Variants in CCDC3 observed in about 807,000 individuals in gnomAD.
CCDC3 encodes coiled-coil domain-containing protein 3.
CCDC3 carries 24 observed loss-of-function variants against 21.4 expected under a neutral mutation model. That is an observed-to-expected ratio of 1.12 (90% CI 0.81 to 1.58). The LOEUF (loss-of-function observed/expected upper bound fraction) is 1.58. Ranked by LOEUF, CCDC3 falls within the 40% of genes most tolerant of loss-of-function variation. The pLI is 0.00. For synonymous variants in CCDC3, 186 were observed against 166.0 expected (o/e 1.12, Z -0.93); for missense variants, 425 against 360.9 (o/e 1.18, Z -1.44).
chr10:12,910,664 T>C (rs1834258825), intron 2 of CCDC3, among the ~76,000 whole-genome samples: 1 of 148,690 alleles, frequency 6.7e-6, no homozygotes. Flanking sequence ...GGCTAGAATA[T>C]AGTGGCGTGA....
chr10:13,058,521 T>A, intron 4 of CCDC3: 1 of 739,122 alleles, frequency 1.4e-6, no homozygotes, highest in Admixed American at 1.7e-5. Flanking sequence ...TTACACAAAC[T>A]ATCATCCTGT....
At chr10:12,969,744 A>T (rs973110520) in intron 2 of CCDC3, among the ~76,000 whole-genome samples, 17 of 149,872 alleles carry the variant, frequency 1.1e-4, no homozygotes, top group Admixed American at 2.7e-4. Flanking sequence ...TAATATTTTT[A>T]AAAAATATTT....
intron 2 of CCDC3, among the ~76,000 whole-genome samples, chr10:12,952,978 A>G (rs1835029339): frequency 6.6e-6 from 1 of 152,186 alleles, no homozygotes; most frequent in African/African-American, 2.4e-5. Context: ...TTCAAAGAAT[A>G]TCAAAGGAAG....
chr10:12,912,871 C>T (rs923854646), intron 2 of CCDC3, among the ~76,000 whole-genome samples: 4 of 152,212 alleles, frequency 2.6e-5, no homozygotes, highest in Admixed American at 2.0e-4. Context: ...AGACTGTCCT[C>T]TCCCCGTTGC....
intron 2 of CCDC3, among the ~76,000 whole-genome samples, chr10:12,981,081 C>G (rs1835490015): frequency 6.6e-6 from 1 of 151,754 alleles, no homozygotes; most frequent in Non-Finnish European, 1.5e-5. Flanking sequence ...CTATGTTGCC[C>G]AGGCTGGTCT....
intron 3 of CCDC3, among the ~76,000 whole-genome samples, chr10:13,077,953 G>C (rs1050258944): frequency 1.5e-4 from 23 of 152,144 alleles, no homozygotes; most frequent in Admixed American, 1.2e-3. Context: ...GCATGGGCAA[G>C]GACTTCATGA....
At chr10:12,927,710 G>T (rs7076636) in intron 2 of CCDC3, among the ~76,000 whole-genome samples, 14,563 of 152,168 alleles carry the variant, frequency 0.096, 736 homozygotes, top group African/African-American at 0.13. Flanking sequence ...CCCAAAACAC[G>T]CTAAAGGGAT....
At chr10:12,949,753 C>A (rs1232292082) in intron 2 of CCDC3, among the ~76,000 whole-genome samples, 1 of 152,176 alleles carries the variant, frequency 6.6e-6, no homozygotes, top group African/African-American at 2.4e-5. Context: ...AAAGACTATT[C>A]CAGTCTTAAT....
chr10:12,930,109 A>G (rs1016925953), intron 2 of CCDC3, among the ~76,000 whole-genome samples: 6 of 152,196 alleles, frequency 3.9e-5, no homozygotes, highest in African/African-American at 1.4e-4. Flanking sequence ...GCAGAGTTGA[A>G]GCAGAAGGTC....
chr10:12,997,794 T>G (rs1002129249), intron 2 of CCDC3, among the ~76,000 whole-genome samples: 3 of 152,306 alleles, frequency 2.0e-5, no homozygotes. Context: ...TTTTTACATA[T>G]TTAAATCATA....
chr10:12,977,202 G>A (rs1388491277), intron 2 of CCDC3, among the ~76,000 whole-genome samples: 1 of 152,162 alleles, frequency 6.6e-6, no homozygotes, highest in Non-Finnish European at 1.5e-5. Flanking sequence ...TTGAACCTGG[G>A]AGGCAGAGGT....
intron 2 of CCDC3, among the ~76,000 whole-genome samples, chr10:12,908,877 C>T (rs1158095263): frequency 6.6e-6 from 1 of 152,174 alleles, no homozygotes; most frequent in Non-Finnish European, 1.5e-5. Flanking sequence ...CAGGTGTGGA[C>T]CACGGCGCCT....
chr10:12,995,628 C>T (rs1311353446), intron 2 of CCDC3, among the ~76,000 whole-genome samples: 3 of 152,162 alleles, frequency 2.0e-5, no homozygotes, highest in South Asian at 2.1e-4. Flanking sequence ...GGTCTGGAAA[C>T]GTGCAGAGTC....
rs184543739 is a variant in CCDC3, at chr10:13,018,348, A to C, written c.-1-19836T>G. ...CCCTCTCAAGAGAATGTAAATTCAC[A>C]AACTGTGCACACTAGACCAGCTTTC... On this transcript the variant is annotated intron_variant, in intron 5 of 6. Transcript: ENST00000378839. Among the ~76,000 whole-genome samples, 178 of 152,220 alleles carry C rather than the reference A, an allele frequency of 1.2e-3. 2 individuals carry two copies. Among genetic ancestry groups the C allele is most frequent in the African/African-American group, 4.0e-3 (167 of 41,558 alleles).
intron 5 of CCDC3, among the ~76,000 whole-genome samples, chr10:13,022,686 A>G (rs559455044): frequency 6.6e-6 from 1 of 152,338 alleles, no homozygotes; most frequent in South Asian, 2.1e-4. Flanking sequence ...CAAAATCATG[A>G]TGTGAAACTG....
intron 4 of CCDC3, among the ~76,000 whole-genome samples, chr10:13,054,206 G>T (rs999049759): frequency 1.5e-4 from 23 of 149,900 alleles, no homozygotes; most frequent in Non-Finnish European, 3.3e-4. Flanking sequence ...ACCTCACCTG[G>T]TCTGCCTCCT....
intron 2 of CCDC3, among the ~76,000 whole-genome samples, chr10:12,970,411 T>C (rs780723516): frequency 6.6e-6 from 1 of 152,178 alleles, no homozygotes; most frequent in Non-Finnish European, 1.5e-5. Flanking sequence ...CTGTAGTATG[T>C]ATTGGAAAAT....
intron 2 of CCDC3, among the ~76,000 whole-genome samples, chr10:12,922,868 T>G (rs767748897): frequency 2.6e-5 from 4 of 152,162 alleles, no homozygotes; most frequent in Non-Finnish European, 5.9e-5. Flanking sequence ...AATGCCAATT[T>G]ATAGCCTAGA....
intron 1 of CCDC3, among the ~76,000 whole-genome samples, chr10:13,000,681 T>C (rs945674947): frequency 6.6e-6 from 1 of 152,202 alleles, no homozygotes. Context: ...ACTTCTAACC[T>C]GCACCAGGTG....
Sources: gnomAD v4.1 joint callset for allele counts (sites outside exome capture counted in the v4.1 genomes callset) on GRCh38, gnomAD v4.1.1 for gene constraint, MANE v1.5 for transcripts, NCBI Gene and HGNC (gene_info 2026-07-23, HGNC 2026-07-21) for gene names.